ZFAND3: variants seen among roughly 807,000 people sequenced by gnomAD.
ZFAND3 encodes the protein AN1-type zinc finger protein 3.
Under a neutral mutation model 29.6 loss-of-function variants are expected in ZFAND3, and 10 were observed. That is an observed-to-expected ratio of 0.34 (90% CI 0.21 to 0.57). The LOEUF is 0.57. Among genes scored for constraint, ZFAND3 ranks in the 20% least tolerant of loss-of-function variants. The pLI, the probability that ZFAND3 is intolerant of heterozygous loss-of-function variation, is 0.86. For missense variants in ZFAND3, 230 were observed against 304.5 expected, an observed-to-expected ratio of 0.76 and a Z score of 1.82; for synonymous variants, 128 against 112.6, an observed-to-expected ratio of 1.14 and a Z score of -0.87.
intron 1 of ZFAND3, among the ~76,000 whole-genome samples, chr6:37,844,316 C>T (rs771530088): frequency 6.7e-6 from 1 of 150,148 alleles, no homozygotes; most frequent in Non-Finnish European, 1.5e-5. Flanking sequence ...TTGTCTTGCC[C>T]TGTCGCCCAG....
At chr6:38,081,208 A>G (rs1012151486) in intron 3 of ZFAND3, among the ~76,000 whole-genome samples, 6 of 151,820 alleles carry the variant, frequency 4.0e-5, no homozygotes, top group Admixed American at 6.6e-5. Flanking sequence ...GTGTGGTGAC[A>G]CATAGTAGGT....
intron 4 of ZFAND3, among the ~76,000 whole-genome samples, chr6:38,116,249 A>G (rs1765415336): frequency 6.6e-6 from 1 of 152,234 alleles, no homozygotes. Context: ...GGGAATACAA[A>G]GACAGGACCC....
At chr6:38,143,166 G>A (rs558488489) in intron 5 of ZFAND3, 1 of 152,428 alleles carries the variant, frequency 6.6e-6, no homozygotes, top group African/African-American at 2.4e-5. Context: ...AGACATTACT[G>A]GGACGAAGCC....
At chr6:37,902,737 C>CTT (rs11448512) in intron 1 of ZFAND3, among the ~76,000 whole-genome samples, 11,357 of 100,156 alleles carry the variant, frequency 0.11, 1,239 homozygotes, top group African/African-American at 0.25. Flanking sequence ...CTTTTACTTA[C>CTT]TTTTTTTTTT....
At chr6:38,148,767 C>A (rs1019781437) in intron 5 of ZFAND3, among the ~76,000 whole-genome samples, 1 of 152,164 alleles carries the variant, frequency 6.6e-6, no homozygotes, top group African/African-American at 2.4e-5. Flanking sequence ...TCCAGGACAA[C>A]CCCCTTCTGA....
intron 2 of ZFAND3, among the ~76,000 whole-genome samples, chr6:38,040,449 A>G (rs950107517): frequency 6.6e-6 from 1 of 152,124 alleles, no homozygotes; most frequent in Non-Finnish European, 1.5e-5. Flanking sequence ...ATCCTGTTGT[A>G]TGTATATACT....
At chr6:38,134,168 A>C (rs921791853) in intron 5 of ZFAND3, among the ~76,000 whole-genome samples, 3 of 152,078 alleles carry the variant, frequency 2.0e-5, no homozygotes, top group Non-Finnish European at 2.9e-5. Context: ...CAGCATGGTC[A>C]CCTTTTGGTC....
At chr6:37,991,600 G>A (rs967300982) in intron 2 of ZFAND3, among the ~76,000 whole-genome samples, 1 of 152,144 alleles carries the variant, frequency 6.6e-6, no homozygotes, top group Non-Finnish European at 1.5e-5. Flanking sequence ...TGAGCCACCT[G>A]TCTTGGCCTC....
intron 1 of ZFAND3, among the ~76,000 whole-genome samples, chr6:37,923,622 G>A (rs1761425960): frequency 6.6e-6 from 1 of 152,112 alleles, no homozygotes; most frequent in Non-Finnish European, 1.5e-5. Context: ...CAAGTATTAT[G>A]TACTATACAT....
intron 2 of ZFAND3, among the ~76,000 whole-genome samples, chr6:38,042,313 C>CTTTTT (rs35136153): frequency 3.3e-5 from 3 of 91,918 alleles, no homozygotes; most frequent in African/African-American, 7.6e-5. Flanking sequence ...CTTGAGCTTG[C>CTTTTT]TTTTTTTTTT....
chr6:37,944,022 C>G (rs1160775817), intron 2 of ZFAND3, among the ~76,000 whole-genome samples: 2 of 152,134 alleles, frequency 1.3e-5, no homozygotes, highest in Non-Finnish European at 2.9e-5. Flanking sequence ...ATGCCTTTTT[C>G]TGTTTACTAT....
At chr6:38,138,093 G>C (rs550685615) in intron 5 of ZFAND3, among the ~76,000 whole-genome samples, 2 of 152,062 alleles carry the variant, frequency 1.3e-5, no homozygotes, top group Non-Finnish European at 2.9e-5. Context: ...GGGAGTATCA[G>C]TTGAGCTCAG....
chr6:37,886,870 GGCA>G (rs1190631843), intron 1 of ZFAND3, among the ~76,000 whole-genome samples: 1 of 152,136 alleles, frequency 6.6e-6, no homozygotes, highest in East Asian at 1.9e-4. Context: ...CAGGTGTGGT[GGCA>G]CATGCCTGTA....
At position 37,997,376 on chromosome 6, in the gene ZFAND3, T is replaced by C. The variant is rs753455899; in HGVS notation, c.113-64217T>C. The stretch of plus-strand genomic sequence containing the variant: ...ATGAGAATGGAGGAAAGAATAGCAT[T>C]GTAATGATAGAAGAGGGTTAAGGAA... On this transcript the variant is annotated intron_variant, in intron 2 of 5. Transcript: ENST00000287218. Among the ~76,000 whole-genome samples, 2 of 152,168 alleles carry C rather than the reference T, an allele frequency of 1.3e-5. 1 individual carries two copies. Among genetic ancestry groups the C allele is most frequent in the South Asian group, 4.1e-4 (2 of 4,836 alleles).
chr6:37,995,285 C>G (rs1312294071), intron 2 of ZFAND3, among the ~76,000 whole-genome samples: 1 of 152,124 alleles, frequency 6.6e-6, no homozygotes, highest in Non-Finnish European at 1.5e-5. Flanking sequence ...GGGTGTCAGT[C>G]ACATTCATAA....
intron 1 of ZFAND3, among the ~76,000 whole-genome samples, chr6:37,856,523 C>T (rs1362582281): frequency 6.6e-6 from 1 of 152,196 alleles, no homozygotes; most frequent in African/African-American, 2.4e-5. Context: ...CACCTACGGA[C>T]TTCCACCTTC....
intron 2 of ZFAND3, among the ~76,000 whole-genome samples, chr6:38,015,724 G>C (rs992222551): frequency 3.9e-5 from 6 of 152,188 alleles, no homozygotes; most frequent in Non-Finnish European, 8.8e-5. Context: ...TGTGTTTGTG[G>C]ATACTTATTT....
At chr6:37,967,064 C>G (rs1463133952) in intron 2 of ZFAND3, among the ~76,000 whole-genome samples, 1 of 152,194 alleles carries the variant, frequency 6.6e-6, no homozygotes, top group Non-Finnish European at 1.5e-5. Context: ...ATGATGACCT[C>G]TCTAACTGCT....
rs77654431 is a variant in ZFAND3, at chr6:37,827,719, G to A, written c.71+7703G>A. 7.7e-4 allele frequency among the ~76,000 whole-genome samples: 117 copies of A among 152,298 alleles called. 1 individual carries two copies. The East Asian group carries it at 0.019, about 25-fold the overall frequency. ...ACAGTGCCAGGCACCTGAAGTTTTG[G>A]CTACAGCTATTAACTCGAGGGATGA... On this transcript the variant is annotated intron_variant, in intron 1 of 5. Coordinates refer to ENST00000287218, the MANE Select transcript of ZFAND3 (RefSeq NM_021943.3).
Sources: allele counts gnomAD v4.1 joint callset (sites outside exome capture counted in the v4.1 genomes callset), GRCh38; gene constraint gnomAD v4.1.1; transcripts MANE v1.5; gene names NCBI Gene and HGNC (gene_info 2026-07-23, HGNC 2026-07-21).